Variants in WWOX observed in about 807,000 individuals in gnomAD.
The protein encoded by WWOX is WW domain-containing oxidoreductase.
Under a neutral mutation model 46.2 loss-of-function variants are expected in WWOX, and 69 were observed. That is an observed-to-expected ratio of 1.49 (90% CI 1.23 to 1.82). WWOX has a LOEUF of 1.82. Ranked by LOEUF, WWOX falls within the 40% of genes most tolerant of loss-of-function variation. The pLI is 0.00. For missense variants in WWOX, 919 were observed against 542.6 expected (o/e 1.69, Z -6.89); for synonymous variants, 359 against 202.6 (o/e 1.77, Z -6.56).
intron 6 of WWOX, among the ~76,000 whole-genome samples, chr16:78,390,148 G>A (rs541234635): frequency 1.3e-5 from 2 of 152,318 alleles, no homozygotes; most frequent in East Asian, 1.9e-4. Context: ...ACTCCAGTCT[G>A]CCTCTTGTTC....
chr16:79,073,533 T>G (rs1239692679), intron 8 of WWOX, among the ~76,000 whole-genome samples: 2 of 152,220 alleles, frequency 1.3e-5, no homozygotes, highest in African/African-American at 4.8e-5. Flanking sequence ...TTTGAGTTTA[T>G]GTCTCCTACA....
In WWOX at chr16:79,167,197, C is replaced by T. The variant is rs564104003; in HGVS notation, c.1057-44411C>T. On this transcript the variant is annotated intron_variant, in intron 8 of 8. Coordinates refer to ENST00000566780, the MANE Select transcript of WWOX (RefSeq NM_016373.4). ...GCTCGAGCAATCCACCCACCTCGGC[C>T]TCCCAAAATGCTGGGATAACAGGCA... 1.1e-4 allele frequency among the ~76,000 whole-genome samples: 16 copies of T among 152,324 alleles called. No individual in the cohort carries two copies. The East Asian group carries it at 1.7e-3, about 17-fold the overall frequency.
chr16:78,188,589 C>G (rs1445629375), intron 5 of WWOX, among the ~76,000 whole-genome samples: 1 of 151,852 alleles, frequency 6.6e-6, no homozygotes, highest in Non-Finnish European at 1.5e-5. Flanking sequence ...TGAAAAATCC[C>G]AGAATAGTAG....
chr16:79,212,302 TG>T lies in WWOX; in HGVS notation c.*510del. ...AAGACTGAGCCAGCTTAGCAACTGC[TG>T]GGGAGACAAATCTCAGAACCTTGTC... On this transcript the variant is annotated 3_prime_UTR_variant, in exon 9 of 9. Transcript: ENST00000566780. The T allele has an allele frequency of 1.0e-6, 1 of 955,906 alleles. No individual in the cohort carries two copies. 59.2% of individuals were successfully genotyped at this position (955,906 alleles called of 1,614,324 possible).
chr16:78,378,351 T>C (rs1223801203), intron 5 of WWOX, among the ~76,000 whole-genome samples: 3 of 152,042 alleles, frequency 2.0e-5, no homozygotes, highest in African/African-American at 7.2e-5. Context: ...CAAAGATGGG[T>C]CAAACTCCCC....
intron 8 of WWOX, among the ~76,000 whole-genome samples, chr16:78,441,615 A>C (rs2083446123): frequency 6.6e-6 from 1 of 152,074 alleles, no homozygotes; most frequent in South Asian, 2.1e-4. Context: ...TGAGCTTTAG[A>C]GGTAGACAGC....
intron 8 of WWOX, among the ~76,000 whole-genome samples, chr16:79,191,646 A>C (rs995288532): frequency 2.0e-5 from 3 of 152,200 alleles, no homozygotes; most frequent in Non-Finnish European, 2.9e-5. Context: ...GCTGGACTGC[A>C]GTGAAATGTT....
At chr16:78,229,258 G>GAAA (rs11448507) in intron 5 of WWOX, among the ~76,000 whole-genome samples, 1 of 145,324 alleles carries the variant, frequency 6.9e-6, no homozygotes. Flanking sequence ...TACAAGAAAT[G>GAAA]AAAAAAAAAA....
At chr16:79,193,730 T>G (rs1452285405) in intron 8 of WWOX, among the ~76,000 whole-genome samples, 1 of 152,172 alleles carries the variant, frequency 6.6e-6, no homozygotes, top group East Asian at 1.9e-4. Context: ...AAGTCCCCAC[T>G]TGGGCAAAAA....
chr16:78,630,226 G>A (rs1220302647), intron 8 of WWOX, among the ~76,000 whole-genome samples: 4 of 152,162 alleles, frequency 2.6e-5, no homozygotes, highest in African/African-American at 9.7e-5. Context: ...CCAGGCACTG[G>A]GGTCCTATTT....
At chr16:78,653,774 T>C (rs1269123265) in intron 8 of WWOX, among the ~76,000 whole-genome samples, 3 of 152,210 alleles carry the variant, frequency 2.0e-5, no homozygotes, top group Non-Finnish European at 4.4e-5. Flanking sequence ...AGCTGTTAGT[T>C]TGGTGCAAAA....
At chr16:78,128,953 G>C (rs2033474843) in intron 4 of WWOX, among the ~76,000 whole-genome samples, 1 of 152,174 alleles carries the variant, frequency 6.6e-6, no homozygotes, top group Admixed American at 6.5e-5. Context: ...AGCAAAGGAA[G>C]TTTCAATTCT....
At chr16:78,181,205 G>C (rs2035523324) in intron 5 of WWOX, among the ~76,000 whole-genome samples, 1 of 152,116 alleles carries the variant, frequency 6.6e-6, no homozygotes, top group South Asian at 2.1e-4. Context: ...GAGAGAGACA[G>C]AAGGAGAGAG....
intron 8 of WWOX, among the ~76,000 whole-genome samples, chr16:79,010,792 C>T (rs1300696603): frequency 1.5e-5 from 2 of 136,646 alleles, no homozygotes; most frequent in East Asian, 4.3e-4. Context: ...AAACCATGGC[C>T]CTAAGGGCAG....
In WWOX at chr16:78,334,336, C is replaced by T. The variant is rs563866451; in HGVS notation, c.517-52524C>T. ...ATGCAACATGAATCATTTTAATAGA[C>T]CAAGCAAAAAGTCCCCAAAGTCGAT... On this transcript the variant is annotated intron_variant, in intron 5 of 8. Coordinates refer to ENST00000566780, the MANE Select transcript of WWOX (RefSeq NM_016373.4). Among the ~76,000 whole-genome samples the T allele has an allele frequency of 2.2e-4, 34 of 152,136 alleles. No homozygotes were observed. In the South Asian group the frequency reaches 6.9e-3, roughly 31 times the overall value.
intron 5 of WWOX, among the ~76,000 whole-genome samples, chr16:78,198,793 T>A (rs1567625992): frequency 2.0e-5 from 3 of 152,208 alleles, no homozygotes; most frequent in African/African-American, 4.8e-5. Context: ...ATTTTATATA[T>A]ATATATATGC....
intron 5 of WWOX, among the ~76,000 whole-genome samples, chr16:78,343,643 A>G (rs1352561122): frequency 8.3e-6 from 1 of 120,772 alleles, no homozygotes; most frequent in Non-Finnish European, 2.0e-5. Context: ...ACAGTATTTT[A>G]GTATATTTCT....
intron 8 of WWOX, among the ~76,000 whole-genome samples, chr16:79,173,764 G>A (rs1297381657): frequency 6.6e-6 from 1 of 152,090 alleles, no homozygotes; most frequent in Non-Finnish European, 1.5e-5. Flanking sequence ...AAAATAAAAT[G>A]ACAGTTGGAA....
At chr16:78,311,527 G>T (rs912880064) in intron 5 of WWOX, among the ~76,000 whole-genome samples, 1 of 152,186 alleles carries the variant, frequency 6.6e-6, no homozygotes, top group Non-Finnish European at 1.5e-5. Context: ...GGAGATGCGT[G>T]TTAACTGTTT....
Sources: allele counts gnomAD v4.1 joint callset (sites outside exome capture counted in the v4.1 genomes callset), GRCh38; gene constraint gnomAD v4.1.1; transcripts MANE v1.5; gene names NCBI Gene and HGNC (gene_info 2026-07-23, HGNC 2026-07-21).